The following CPLX4 variants were observed in gnomAD, a reference collection of about 807,000 sequenced individuals.
CPLX4 encodes complexin 4.
Under a neutral mutation model 16.1 loss-of-function variants are expected in CPLX4, and 17 were observed. The ratio of observed to expected loss-of-function variants is 1.06; its 90% CI spans 0.72 to 1.59. The LOEUF (loss-of-function observed/expected upper bound fraction) is 1.59, where lower values mean the gene tolerates loss of function less well. Among genes scored for constraint, CPLX4 ranks in the 40% most tolerant of loss-of-function variants. The probability of loss-of-function intolerance (pLI) is 0.00; values close to 1 mark genes in which losing one functional copy is unlikely to be tolerated. For synonymous variants in CPLX4, 55 were observed against 57.8 expected (o/e 0.95, Z 0.22); for missense variants, 193 against 192.9 (o/e 1.00, Z 0.00).
chr18:59,313,507 G>A (rs2070631852), intron 1 of CPLX4, among the ~76,000 whole-genome samples: 1 of 152,196 alleles, frequency 6.6e-6, no homozygotes, highest in Non-Finnish European at 1.5e-5. Flanking sequence ...AGACACCTTT[G>A]GGAATGTCTG....
At chr18:59,305,708 T>C (rs2070572090) in intron 2 of CPLX4, among the ~76,000 whole-genome samples, 2 of 152,196 alleles carry the variant, frequency 1.3e-5, no homozygotes, top group East Asian at 1.9e-4. Context: ...GCTGCAGTTA[T>C]GAAATTTCGG....
At chr18:59,310,869 T>A (rs748826397) in intron 2 of CPLX4, among the ~76,000 whole-genome samples, 1 of 151,856 alleles carries the variant, frequency 6.6e-6, no homozygotes, top group Non-Finnish European at 1.5e-5. Flanking sequence ...TCTCCCTAGA[T>A]CCCTACAGAA....
rs2070627175 is a variant in CPLX4 at position 59,312,891 on chromosome 18, T to C, written c.168-119A>G. ...TGAGATGCCACTGCTGGCAGACACT[T>C]GGGAACTATGGGATTTTTTTCCTAG... On this transcript the variant is annotated intron_variant, in intron 1 of 2. Coordinates refer to ENST00000299721, the MANE Select transcript of CPLX4 (RefSeq NM_181654.4). The C allele has an allele frequency of 5.6e-6, 3 of 533,152 alleles. No homozygotes were observed. The South Asian group carries it at 9.3e-5, about 17-fold the overall frequency. The allele number at this position is 533,152 out of a possible 1,614,324, so 33.0% of individuals were successfully genotyped here.
At chr18:59,301,142 G>C (rs953626822) in intron 2 of CPLX4, among the ~76,000 whole-genome samples, 1 of 152,222 alleles carries the variant, frequency 6.6e-6, no homozygotes, top group Non-Finnish European at 1.5e-5. Flanking sequence ...CCACTCTCAG[G>C]AGCACAGATC....
chr18:59,313,021 C>A (rs928405817), intron 1 of CPLX4, among the ~76,000 whole-genome samples: 1 of 152,088 alleles, frequency 6.6e-6, no homozygotes, highest in Non-Finnish European at 1.5e-5. Flanking sequence ...CTGTGTGATG[C>A]GAACCAGGAG....
intron 1 of CPLX4, among the ~76,000 whole-genome samples, chr18:59,314,470 C>T (rs988045578): frequency 4.6e-5 from 7 of 152,210 alleles, no homozygotes; most frequent in East Asian, 1.9e-4. Context: ...CATTAACTAG[C>T]GTGACATGTT....
intron 2 of CPLX4, among the ~76,000 whole-genome samples, chr18:59,310,690 A>G (rs1396307440): frequency 2.6e-5 from 4 of 152,132 alleles, no homozygotes; most frequent in African/African-American, 7.2e-5. Flanking sequence ...TTTATATTAC[A>G]TTATCTCAGA....
rs933712001 is a variant in CPLX4, at chr18:59,318,347, C to T, written c.116G>A (p.Gly39Glu). The T allele has an allele frequency of 1.9e-6, 3 of 1,613,648 alleles. No individual in the cohort carries two copies. Among genetic ancestry groups the T allele is most frequent in the African/African-American group, 2.7e-5 (2 of 74,860 alleles). Residue 39 changes from glycine to glutamate, a missense_variant, in exon 1 of 3, where the codon GGG becomes GAG. Physicochemically the swap from Gly to Glu is moderately conservative, Grantham distance 98. Transcript: ENST00000299721. The part of the protein sequence containing the change: ...GGASDPAAAQ[G>E]MTREEYEEYQ... ...CTCCTCATACTCCTCTCTAGTCATC[C>T]CTTGAGCTGCTGCAGGATCAGATGC...
chr18:59,297,973 A>G (rs2070513160), intron 2 of CPLX4, among the ~76,000 whole-genome samples: 1 of 152,250 alleles, frequency 6.6e-6, no homozygotes. Flanking sequence ...GCATACTGGC[A>G]GTCTAGCCTT....
At chr18:59,315,430 G>A (rs539408091) in intron 1 of CPLX4, among the ~76,000 whole-genome samples, 26 of 152,180 alleles carry the variant, frequency 1.7e-4, no homozygotes, top group Admixed American at 1.6e-3. Flanking sequence ...CTAGATTCCA[G>A]TCCTTTGTCA....
At chr18:59,306,600 C>T (rs2070578229) in intron 2 of CPLX4, among the ~76,000 whole-genome samples, 1 of 152,194 alleles carries the variant, frequency 6.6e-6, no homozygotes, top group Non-Finnish European at 1.5e-5. Context: ...TCTACATTTG[C>T]TTTTCCCTGT....
intron 2 of CPLX4, among the ~76,000 whole-genome samples, chr18:59,310,194 A>G (rs2070607264): frequency 6.6e-6 from 1 of 151,476 alleles, no homozygotes; most frequent in Non-Finnish European, 1.5e-5. Context: ...GGTGGGCTCT[A>G]CTGTTATTTA....
chr18:59,297,034 A>G (rs2070506729), intron 2 of CPLX4, 109 bp from the exon 3 acceptor site: 1 of 1,472,010 alleles, frequency 6.8e-7, no homozygotes, highest in Non-Finnish European at 8.9e-7. Context: ...ACAGGAAGTG[A>G]GTGGCACTCT....
In CPLX4 at chr18:59,296,393, T is replaced by G. The variant is rs1568103319; in HGVS notation, c.*305A>C. ...AAGTTGGAGAGGAAATGCCCCTTGC[T>G]TTTGTTTCTTCCTGGCTCATCTCAA... On this transcript the variant is annotated 3_prime_UTR_variant, in exon 3 of 3. Transcript: ENST00000299721. 2.7e-6 allele frequency: 1 copy of G among 364,988 alleles called. No homozygotes were observed. Among genetic ancestry groups the G allele is most frequent in the Admixed American group, 4.8e-5 (1 of 20,946 alleles). The allele number at this position is 364,988 out of a possible 1,614,324, so 22.6% of individuals were successfully genotyped here. A position where few individuals can be genotyped will look rare whatever the true frequency, so the allele number is the denominator to read the frequency against.
intron 1 of CPLX4, among the ~76,000 whole-genome samples, chr18:59,315,837 C>T (rs990777916): frequency 2.0e-5 from 3 of 152,006 alleles, no homozygotes; most frequent in African/African-American, 7.2e-5. Context: ...AACTATAAAC[C>T]CCATTGATCG....
At position 59,296,384 on chromosome 18, in the gene CPLX4, G is replaced by T. The variant is rs2070500743; in HGVS notation, c.*314C>A. 1 of 346,684 alleles carries T rather than the reference G, an allele frequency of 2.9e-6. No individual in the cohort carries two copies. Among genetic ancestry groups the T allele is most frequent in the African/African-American group, 2.2e-5 (1 of 44,962 alleles). 21.5% of individuals were successfully genotyped at this position (346,684 alleles called of 1,614,324 possible). On this transcript the variant is annotated 3_prime_UTR_variant, in exon 3 of 3. Transcript: ENST00000299721. ...CAAGGAAGAAAGTTGGAGAGGAAAT[G>T]CCCCTTGCTTTTGTTTCTTCCTGGC... is the stretch of plus-strand genomic sequence containing the variant.
At position 59,317,763 on chromosome 18, in the gene CPLX4, T is replaced by C. The variant is rs188900938; in HGVS notation, c.167+533A>G. Among the ~76,000 whole-genome samples the C allele has an allele frequency of 2.6e-5, 4 of 152,210 alleles. No homozygotes were observed. The East Asian group carries it at 7.7e-4, about 29-fold the overall frequency. ...CCATATTAAACAGTCCACAAATCCATTCATAGTCTTTGATAAGCCAAGTCT... is the reference window on the plus strand; with the variant it reads ...CCATATTAAACAGTCCACAAATCCACTCATAGTCTTTGATAAGCCAAGTCT... On this transcript the variant is annotated intron_variant, in intron 1 of 2. Coordinates refer to ENST00000299721, the MANE Select transcript of CPLX4 (RefSeq NM_181654.4).
intron 1 of CPLX4, among the ~76,000 whole-genome samples, chr18:59,315,627 G>T (rs2070646296): frequency 6.6e-6 from 1 of 152,104 alleles, no homozygotes; most frequent in South Asian, 2.1e-4. Flanking sequence ...AAGTTGCAAA[G>T]ATATTCTCCT....
chr18:59,314,899 G>T (rs1291483015), intron 1 of CPLX4, among the ~76,000 whole-genome samples: 1 of 152,164 alleles, frequency 6.6e-6, no homozygotes, highest in Non-Finnish European at 1.5e-5. Flanking sequence ...ATCACCATTT[G>T]TCTAGTCATT....
Sources: gnomAD v4.1 joint callset for allele counts (sites outside exome capture counted in the v4.1 genomes callset) on GRCh38, gnomAD v4.1.1 for gene constraint, MANE v1.5 for transcripts, NCBI Gene and HGNC (gene_info 2026-07-23, HGNC 2026-07-21) for gene names.